SHISAL1: variants seen among roughly 807,000 people sequenced by gnomAD.
The protein encoded by SHISAL1 is shisa like 1, also known as protein shisa-like-1.
SHISAL1 carries 9 observed loss-of-function variants against 22.6 expected under a neutral mutation model. That is an observed-to-expected ratio of 0.40 (90% confidence interval 0.24 to 0.70). The LOEUF (loss-of-function observed/expected upper bound fraction) is 0.70, where lower values mean the gene tolerates loss of function less well. SHISAL1 is among the 30% of genes least tolerant of loss of function. The probability of loss-of-function intolerance (pLI) is 0.39; values close to 1 mark genes in which losing one functional copy is unlikely to be tolerated. For synonymous variants in SHISAL1, 119 were observed against 115.4 expected (o/e 1.03, Z -0.20); for missense variants, 246 against 270.6 (o/e 0.91, Z 0.64).
intron 4 of SHISAL1, among the ~76,000 whole-genome samples, chr22:44,269,530 C>T (rs1601784021): frequency 3.7e-5 from 1 of 26,824 alleles, no homozygotes; most frequent in South Asian, 1.2e-3. Flanking sequence ...ACACAATATA[C>T]ACACACACCA....
Position 44,271,081 on chromosome 22 carries a change from C to T in SHISAL1, c.599+14347G>A, listed in dbSNP as rs28661384. On this transcript the variant is annotated intron_variant, in intron 4 of 4. Transcript: ENST00000381176. ...TTCTTCCTATGAGTGGGGTACTGAG[C>T]TAGGCCCTCCCCACATCCCCTTTGA... Among the ~76,000 whole-genome samples the T allele has an allele frequency of 5.9e-3, 899 of 152,258 alleles. 10 individuals carry two copies. Among genetic ancestry groups the T allele is most frequent in the African/African-American group, 0.02 (841 of 41,540 alleles).
intron 4 of SHISAL1, among the ~76,000 whole-genome samples, chr22:44,281,666 G>A (rs1375869381): frequency 6.6e-6 from 1 of 152,162 alleles, no homozygotes; most frequent in East Asian, 1.9e-4. Context: ...TGGGCTCTGG[G>A]CCCTCAGGGG....
chr22:44,312,568 A>G (rs2055527271), intron 1 of SHISAL1, among the ~76,000 whole-genome samples, 183 bp downstream of exon 1: 4 of 151,828 alleles, frequency 2.6e-5, no homozygotes, highest in African/African-American at 9.7e-5. Flanking sequence ...ATCTTGCCCC[A>G]CTGGCATAGC....
At chr22:44,324,041 G>T in the SHISAL1 span, among the ~76,000 whole-genome samples, 7 of 152,216 alleles carry the variant, frequency 4.6e-5, no homozygotes, top group Admixed American at 2.0e-4. Context: ...GCCAGGAGGA[G>T]TGGAGACTGG....
At chr22:44,321,563 G>A in the SHISAL1 span, among the ~76,000 whole-genome samples, 1 of 152,296 alleles carries the variant, frequency 6.6e-6, no homozygotes, top group African/African-American at 2.4e-5. Flanking sequence ...GCCAGAACAG[G>A]TGACTGTGTT....
rs559549978 is a variant in SHISAL1 at position 44,296,849 on chromosome 22, G to C, written c.104C>G (p.Thr35Arg). ...SAHFRVCEPYTDHKGRYHFGF... is the reference protein window; with the variant it reads ...SAHFRVCEPYRDHKGRYHFGF... Reference sequence around the variant, plus strand: ...AAAGTGGTAGCGGCCTTTGTGGTCTGTGTATGGTTCACAGACCCGGAAATG... The same window carrying C: ...AAAGTGGTAGCGGCCTTTGTGGTCTCTGTATGGTTCACAGACCCGGAAATG... Residue 35 changes from threonine (T) to arginine (R), a missense_variant, in exon 3 of 5, where the codon ACA (threonine) becomes AGA (arginine). By Grantham distance (71) the Thr-to-Arg change is moderately conservative (BLOSUM62 -1). This residue lies in a region of SHISAL1 where 110 missense variants were observed against 153.1 expected (regional missense o/e 0.72). Coordinates refer to ENST00000381176, the MANE Select transcript of SHISAL1 (RefSeq NM_001099294.2). 1.9e-6 allele frequency: 3 copies of C among 1,613,062 alleles called. No individual in the cohort carries two copies. Among genetic ancestry groups the C allele is most frequent in the Admixed American group, 3.3e-5 (2 of 60,026 alleles).
At position 44,245,231 on chromosome 22, in the gene SHISAL1, T is replaced by A. The variant is rs2054988899; in HGVS notation, c.*4454A>T. The A allele has an allele frequency of 6.6e-6, 1 of 152,246 alleles. No homozygotes were observed. The highest frequency in any genetic ancestry group is 2.1e-4 in the South Asian group (1 of 4,838). The allele number at this position is 152,246 out of a possible 1,614,324, so 9.4% of individuals were successfully genotyped here. A position where few individuals can be genotyped will look rare whatever the true frequency, so the allele number is the denominator to read the frequency against. Reference sequence around the variant, plus strand: ...AGCAGACGAAAACAACCCACGTGGATGTCTCCCTACAGTGATAGGGGGCCC... The same window carrying A: ...AGCAGACGAAAACAACCCACGTGGAAGTCTCCCTACAGTGATAGGGGGCCC... On this transcript the variant is annotated 3_prime_UTR_variant, in exon 5 of 5. Transcript: ENST00000381176.
At chr22:44,263,079 C>CTTTCTTTTTTTTTTTTTTT (rs55901041) in intron 4 of SHISAL1, among the ~76,000 whole-genome samples, 4 of 88,252 alleles carry the variant, frequency 4.5e-5, no homozygotes, top group Non-Finnish European at 6.5e-5. Flanking sequence ...TTCTTTCTTT[C>CTTTCTTTTTTTTTTTTTTT]TTTTTTTTTT....
chr22:44,314,374 T>C (rs2055544101), upstream of SHISAL1, among the ~76,000 whole-genome samples: 1 of 152,192 alleles, frequency 6.6e-6, no homozygotes, highest in Admixed American at 6.5e-5. Flanking sequence ...CCTGGGCATG[T>C]TTCTCTGTCT....
intron 4 of SHISAL1, 77 bp downstream of exon 4, chr22:44,285,351 G>A (rs1008162947): frequency 6.7e-5 from 98 of 1,453,236 alleles, no homozygotes; most frequent in Non-Finnish European, 8.8e-5. Context: ...ACACTATGGC[G>A]AGAGTGATGG....
At chr22:44,329,054 AC>A in the SHISAL1 span, among the ~76,000 whole-genome samples, 1 of 152,044 alleles carries the variant, frequency 6.6e-6, no homozygotes, top group African/African-American at 2.4e-5. Context: ...ACAGGTGCCT[AC>A]CGCACGTGCA....
chr22:44,320,275 T>C, the SHISAL1 span, among the ~76,000 whole-genome samples: 3 of 152,162 alleles, frequency 2.0e-5, no homozygotes, highest in African/African-American at 7.2e-5. Context: ...GCCATGTCCA[T>C]GTCTGAGTTC....
intron 4 of SHISAL1, among the ~76,000 whole-genome samples, chr22:44,261,150 T>TA (rs1276575028): frequency 1.5e-5 from 2 of 129,506 alleles, no homozygotes; most frequent in East Asian, 4.5e-4. Flanking sequence ...ATCAATGACT[T>TA]TTAAAAAAAA....
At chr22:44,282,045 T>G (rs2055280147) in intron 4 of SHISAL1, among the ~76,000 whole-genome samples, 1 of 152,194 alleles carries the variant, frequency 6.6e-6, no homozygotes, top group Non-Finnish European at 1.5e-5. Flanking sequence ...GCGGGGGCTG[T>G]GTGGGGCTGA....
At chr22:44,316,728 C>T (rs965633913), upstream of SHISAL1, among the ~76,000 whole-genome samples, 5 of 152,182 alleles carry the variant, frequency 3.3e-5, no homozygotes, top group Admixed American at 2.0e-4. Context: ...GCCACCCTTC[C>T]GGCTGAATCA....
chr22:44,288,889 T>G (rs568857021), intron 3 of SHISAL1, among the ~76,000 whole-genome samples: 10 of 152,354 alleles, frequency 6.6e-5, no homozygotes, highest in African/African-American at 2.4e-4. Flanking sequence ...TTTGTTGTTT[T>G]GTAGGACTGT....
intron 4 of SHISAL1, among the ~76,000 whole-genome samples, chr22:44,276,467 C>G (rs557054934): frequency 6.7e-6 from 1 of 150,256 alleles, no homozygotes; most frequent in African/African-American, 2.4e-5. Context: ...CTGCTGCTGT[C>G]GGGGACAAAG....
upstream of SHISAL1, among the ~76,000 whole-genome samples, chr22:44,313,596 AT>A (rs2147314185): frequency 6.6e-6 from 1 of 152,298 alleles, no homozygotes; most frequent in African/African-American, 2.4e-5. Flanking sequence ...TTCGAAACAC[AT>A]CAGTGGCTTC....
the SHISAL1 span, among the ~76,000 whole-genome samples, chr22:44,330,182 A>G: frequency 1.3e-5 from 2 of 152,266 alleles, no homozygotes; most frequent in Admixed American, 6.5e-5. Context: ...ACCAATGCTC[A>G]GTGGGAACCG....
Sources: allele counts gnomAD v4.1 joint callset (sites outside exome capture counted in the v4.1 genomes callset), GRCh38; gene constraint gnomAD v4.1.1; regional missense constraint gnomAD v4.1.1; transcripts MANE v1.5; gene names NCBI Gene and HGNC (gene_info 2026-07-23, HGNC 2026-07-21).